RABGGTA: variants seen among roughly 807,000 people sequenced by gnomAD.
RABGGTA encodes the protein Rab geranylgeranyltransferase subunit alpha.
A neutral mutation model predicts 83.3 loss-of-function variants in RABGGTA; 69 were observed. The observed-to-expected ratio is 0.83, with a 90% CI of 0.68 to 1.01. The LOEUF is 1.01. Among genes scored for constraint, RABGGTA ranks in the 50% least tolerant of loss-of-function variants. RABGGTA has a pLI of 0.00. For missense variants in RABGGTA, 681 were observed against 712.7 expected, an observed-to-expected ratio of 0.96 and a Z score of 0.51; for synonymous variants, 310 against 299.8, an observed-to-expected ratio of 1.03 and a Z score of -0.35.
In RABGGTA at chr14:24,271,181, A is replaced by G; in HGVS notation, c.-54-12T>C. 2.0e-6 allele frequency: 3 copies of G among 1,485,520 alleles called. No homozygotes were observed. Among genetic ancestry groups the G allele is most frequent in the Non-Finnish European group, 2.7e-6 (3 of 1,116,014 alleles). 92.0% of individuals were successfully genotyped at this position (1,485,520 alleles called of 1,614,324 possible). On this transcript the variant is annotated splice_polypyrimidine_tract_variant and intron_variant, in intron 1 of 16. Transcript: ENST00000216840. ...GTAGCCCTTGAAGTCTGAGGAGAGA[A>G]GTGTCAATCACGTAGCCCCGCCCCT... is the stretch of plus-strand genomic sequence containing the variant.
chr14:24,271,195 A>G, intron 1 of RABGGTA, 26 bp from the exon 2 acceptor site: 2 of 1,453,736 alleles, frequency 1.4e-6, no homozygotes, highest in South Asian at 2.9e-5. Context: ...TCAATCACGT[A>G]GCCCCGCCCC....
intron 15 of RABGGTA, 82 bp downstream of exon 15, chr14:24,266,694 C>T (rs1465415234): frequency 2.2e-6 from 3 of 1,362,716 alleles, no homozygotes; most frequent in Non-Finnish European, 3.1e-6. Flanking sequence ...CTGCACATCT[C>T]CTTGTAGGAT....
rs766404556 is a variant in RABGGTA at position 24,265,775 on chromosome 14, G to A, written c.1556-12C>T. 1 of 1,599,406 alleles carries A rather than the reference G, an allele frequency of 6.3e-7. No homozygotes were observed. Among genetic ancestry groups the A allele is most frequent in the Non-Finnish European group, 8.5e-7 (1 of 1,172,622 alleles). ...AGGCTGCTGGAGGCCTTGTTCAGGAGAGTCAAGGAAAGCTTGGCAGGTTCC... is the reference window on the plus strand; with the variant it reads ...AGGCTGCTGGAGGCCTTGTTCAGGAAAGTCAAGGAAAGCTTGGCAGGTTCC... On this transcript the variant is annotated splice_polypyrimidine_tract_variant and intron_variant, in intron 16 of 16. Coordinates refer to ENST00000216840, the MANE Select transcript of RABGGTA (RefSeq NM_182836.3).
chr14:24,267,571 C>G, intron 14 of RABGGTA, 89 bp downstream of exon 14: 1 of 1,038,900 alleles, frequency 9.6e-7, no homozygotes, highest in Non-Finnish European at 1.4e-6. Flanking sequence ...TGGAAGTCCA[C>G]AAAGGCACCT....
At chr14:24,270,508 G>C (rs1282649207) in intron 3 of RABGGTA, 50 bp from the exon 4 acceptor site, 5 of 1,606,288 alleles carry the variant, frequency 3.1e-6, no homozygotes, top group Non-Finnish European at 4.3e-6. Context: ...TCCCACTACA[G>C]GACTAAATAA....
Position 24,268,573 on chromosome 14 carries a change from T to C in RABGGTA, c.947A>G (p.His316Arg), listed in dbSNP as rs373655263. The C allele has an allele frequency of 2.9e-5, 46 of 1,614,036 alleles. No homozygotes were observed. The highest frequency in any genetic ancestry group is 3.4e-5 in the Non-Finnish European group (40 of 1,179,902). Reference sequence around the variant, plus strand: ...TGCTGTCCAAATGACGCGAAATGTATGTTGGGGCAACTGGTCGTTGAGGGA... The same window carrying C: ...TGCTGTCCAAATGACGCGAAATGTACGTTGGGGCAACTGGTCGTTGAGGGA... ...AASLNDQLPQ[H>R]TFRVIWTAGD... The change falls in exon 10 of 17, where the codon CAT becomes CGT. Residue 316 changes from histidine to arginine, a missense_variant. His to Arg is a conservative substitution (Grantham distance 29, BLOSUM62 0). Transcript: ENST00000216840.
Position 24,269,681 on chromosome 14 carries a change from G to A in RABGGTA, c.441C>T (p.Asp147=), listed in dbSNP as rs1455138069. 1 of 1,613,850 alleles carries A rather than the reference G, an allele frequency of 6.2e-7. No homozygotes were observed. Among genetic ancestry groups the A allele is most frequent in the African/African-American group, 1.3e-5 (1 of 74,918 alleles). ...CCTGTGTGGCCACAAACCGCCGATAGTCCCAGCAGTGAACTGGAGGGGAGA... is the reference window on the plus strand; with the variant it reads ...CCTGTGTGGCCACAAACCGCCGATAATCCCAGCAGTGAACTGGAGGGGAGA... ...EVDERNFHCW[D]YRRFVATQAA... Residue 147 remains aspartate, a synonymous_variant, in exon 6 of 17, where the codon GAC becomes GAT. Coordinates refer to ENST00000216840, the MANE Select transcript of RABGGTA (RefSeq NM_182836.3).
chr14:24,270,501 C>G, intron 3 of RABGGTA, 43 bp from the exon 4 acceptor site: 1 of 1,609,296 alleles, frequency 6.2e-7, no homozygotes, highest in Non-Finnish European at 8.5e-7. Context: ...ATAATTTTCC[C>G]ACTACAGGAC....
rs903356491 is a variant in RABGGTA, at chr14:24,265,548, G to C, written c.*67C>G. On this transcript the variant is annotated 3_prime_UTR_variant, in exon 17 of 17. Coordinates refer to ENST00000216840, the MANE Select transcript of RABGGTA (RefSeq NM_182836.3). ...AGCAGCGACAACAGCTTGGTAGCCT[G>C]AGAGGGCCTCTCCATTCTTTATTCA... The C allele has an allele frequency of 3.2e-6, 5 of 1,559,398 alleles. No individual in the cohort carries two copies. Among genetic ancestry groups the C allele is most frequent in the Non-Finnish European group, 3.5e-6 (4 of 1,149,256 alleles).
intron 3 of RABGGTA, 99 bp downstream of exon 3, chr14:24,270,738 G>C (rs972102910): frequency 1.4e-6 from 2 of 1,479,742 alleles, no homozygotes; most frequent in African/African-American, 2.8e-5. Context: ...AGATAACCCA[G>C]AATTGGATCT....
intron 15 of RABGGTA, 100 bp from the exon 16 acceptor site, chr14:24,266,617 G>T: frequency 7.7e-7 from 1 of 1,293,550 alleles, no homozygotes; most frequent in Non-Finnish European, 1.1e-6. Context: ...AGCACAGAGG[G>T]GCTCACAGGG....
chr14:24,271,383 G>C (rs1172163141), intron 1 of RABGGTA, 104 bp downstream of exon 1: 2 of 376,140 alleles, frequency 5.3e-6, no homozygotes, highest in African/African-American at 4.1e-5. Flanking sequence ...CAGAGCGCGA[G>C]CCGGGGCACC....
chr14:24,268,443 G>C, intron 10 of RABGGTA, 23 bp from the exon 11 acceptor site: 1 of 1,613,092 alleles, frequency 6.2e-7, no homozygotes, highest in Non-Finnish European at 8.5e-7. Context: ...TAGGTGGTTG[G>C]AGGGTGCACC....
In RABGGTA at chr14:24,268,205, G is replaced by T; in HGVS notation, c.1059-7C>A. On this transcript the variant is annotated splice_polypyrimidine_tract_variant and splice_region_variant and intron_variant, in intron 11 of 16. Transcript: ENST00000216840. ...CTCCACTGACAGCTCACACCTGAGG[G>T]TGGGCAGGGTGGGGAGGAGTTGAGG... The T allele has an allele frequency of 1.3e-6, 2 of 1,599,148 alleles. No homozygotes were observed. The highest frequency in any genetic ancestry group is 1.1e-5 in the South Asian group (1 of 90,784).
chr14:24,267,870 C>T lies in RABGGTA; in HGVS notation c.1236G>A (p.Lys412=), dbSNP rs1259855644. ...GGTCTGTTCTGCAGACAGAACTTGC[C>T]TTGAGGGTCTGGAAGTACTGCAGGG... The part of the protein sequence containing the change: ...KETLQYFQTL[K]AVDPMRATYL... Residue 412 remains lysine (K), a splice_region_variant and synonymous_variant, in exon 13 of 17, where the codon AAG becomes AAA. Coordinates refer to ENST00000216840, the MANE Select transcript of RABGGTA (RefSeq NM_182836.3). 1.2e-6 allele frequency: 2 copies of T among 1,613,536 alleles called. No homozygotes were observed. Among genetic ancestry groups the T allele is most frequent in the Non-Finnish European group, 1.7e-6 (2 of 1,179,722 alleles).
intron 5 of RABGGTA, 107 bp from the exon 6 acceptor site, chr14:24,269,801 C>T: frequency 7.0e-7 from 1 of 1,420,420 alleles, no homozygotes; most frequent in South Asian, 1.3e-5. Context: ...TCAGTGCACT[C>T]CACGGAGGAT....
chr14:24,268,256 C>T, intron 11 of RABGGTA, 58 bp from the exon 12 acceptor site: 1 of 1,605,822 alleles, frequency 6.2e-7, no homozygotes, highest in South Asian at 1.1e-5. Context: ...CACTGGTCAA[C>T]ATTCCCAGTA....
chr14:24,265,571 T>G lies in RABGGTA; in HGVS notation c.*44A>C. 6.3e-7 allele frequency: 1 copy of G among 1,590,732 alleles called. No individual in the cohort carries two copies. The highest frequency in any genetic ancestry group is 8.6e-7 in the Non-Finnish European group (1 of 1,164,556). ...CTGAGAGGGCCTCTCCATTCTTTAT[T>G]CAGTCCCAATAAGTTAAAGGGCAAG... On this transcript the variant is annotated 3_prime_UTR_variant, in exon 17 of 17. Coordinates refer to ENST00000216840, the MANE Select transcript of RABGGTA (RefSeq NM_182836.3).
intron 16 of RABGGTA, 77 bp downstream of exon 16, chr14:24,266,353 C>T: frequency 7.3e-7 from 1 of 1,366,666 alleles, no homozygotes; most frequent in South Asian, 1.2e-5. Flanking sequence ...GGCACATACC[C>T]TGCCTGCTGT....
Sources: allele counts gnomAD v4.1 joint callset, GRCh38; gene constraint gnomAD v4.1.1; transcripts MANE v1.5; gene names NCBI Gene and HGNC (gene_info 2026-07-23, HGNC 2026-07-21).